The following SV2A variants were observed in gnomAD, a reference collection of about 807,000 sequenced individuals.
SV2A encodes the protein solute carrier family 22 member B1.
SV2A carries 25 observed loss-of-function variants against 78.0 expected under a neutral mutation model. That is an observed-to-expected ratio of 0.32 (90% confidence interval 0.23 to 0.45). The LOEUF (loss-of-function observed/expected upper bound fraction) is 0.45. SV2A is among the 20% of genes least tolerant of loss of function. SV2A has a pLI of 1.00. For missense variants in SV2A, 752 were observed against 971.5 expected (o/e 0.77, Z 3.00); for synonymous variants, 355 against 384.7 (o/e 0.92, Z 0.90).
At position 149,909,793 on chromosome 1, in the gene SV2A, T is replaced by C; in HGVS notation, c.1179+8A>G. On this transcript the variant is annotated splice_region_variant and intron_variant, in intron 6 of 12. Coordinates refer to ENST00000369146, the MANE Select transcript of SV2A (RefSeq NM_014849.5). ...GTGGAGGTCTGAGTCGGGAGGGCTG[T>C]GGCTTACTGAGAACACTCGCTCAGG... The C allele has an allele frequency of 1.2e-6, 2 of 1,613,430 alleles. No homozygotes were observed. Among genetic ancestry groups the C allele is most frequent in the Non-Finnish European group, 1.7e-6 (2 of 1,179,964 alleles).
At chr1:149,916,954 G>C (rs959811700) in intron 1 of SV2A, among the ~76,000 whole-genome samples, 3 of 152,024 alleles carry the variant, frequency 2.0e-5, no homozygotes, top group Non-Finnish European at 4.4e-5. Flanking sequence ...GGGGGACGCA[G>C]GGAGAGACCT....
intron 8 of SV2A, 41 bp downstream of exon 8, chr1:149,909,151 C>T (rs1335214131): frequency 6.3e-7 from 1 of 1,595,562 alleles, no homozygotes; most frequent in African/African-American, 1.3e-5. Flanking sequence ...CCACACACCA[C>T]CACAACCACC....
Position 149,909,541 on chromosome 1 carries a change from C to T in SV2A, c.1210G>A (p.Asp404Asn), listed in dbSNP as rs1553763384. The change falls in exon 7 of 13, where the codon GAT becomes AAT. Residue 404 changes from aspartate to asparagine, a missense_variant. Around this residue, in one of 7 missense-constraint regions of SV2A, gnomAD observed 136 missense variants for 132.3 expected, o/e 1.03. Coordinates refer to ENST00000369146, the MANE Select transcript of SV2A (RefSeq NM_014849.5). ...VTHIKTIHQE[D>N]ELIEIQSDTG... is the part of the protein sequence containing the mutation. ...TCCGACTGGATCTCAATCAATTCAT[C>T]CTCCTGATGAATCGTCTTAATGTGG... 1.9e-6 allele frequency: 3 copies of T among 1,614,124 alleles called. No homozygotes were observed. Among genetic ancestry groups the T allele is most frequent in the Non-Finnish European group, 8.5e-7 (1 of 1,180,012 alleles).
In SV2A at chr1:149,905,882, C is replaced by A; in HGVS notation, c.2043G>T (p.Lys681Asn). The A allele has an allele frequency of 6.2e-7, 1 of 1,614,086 alleles. No individual in the cohort carries two copies. Among genetic ancestry groups the A allele is most frequent in the Non-Finnish European group, 8.5e-7 (1 of 1,179,972 alleles). Residue 681 changes from lysine to asparagine, a missense_variant and splice_region_variant, in exon 12 of 13, where the codon AAG becomes AAT. Coordinates refer to ENST00000369146, the MANE Select transcript of SV2A (RefSeq NM_014849.5). ...VLTVELYPSD[K>N]RTTAFGFLNA... ...TGCCTCCAACACATTCCAACTACCT[C>A]TTGTCTGAGGGGTAGAGTTCAACAG... is the stretch of plus-strand genomic sequence containing the variant.
chr1:149,909,807 C>T lies in SV2A; in HGVS notation c.1173G>A (p.Val391=). 2 of 1,613,770 alleles carry T rather than the reference C, an allele frequency of 1.2e-6. No homozygotes were observed. The highest frequency in any genetic ancestry group is 1.7e-6 in the Non-Finnish European group (2 of 1,179,998). The change falls in exon 6 of 13, where the codon GTG becomes GTA. Residue 391 remains valine, a synonymous_variant. Coordinates refer to ENST00000369146, the MANE Select transcript of SV2A (RefSeq NM_014849.5). ...CGGGAGGGCTGTGGCTTACTGAGAACACTCGCTCAGGATGTCCTTTGGCTC... is the reference window on the plus strand; with the variant it reads ...CGGGAGGGCTGTGGCTTACTGAGAATACTCGCTCAGGATGTCCTTTGGCTC... ...NMRAKGHPER[V]FSVTHIKTIH... is the part of the protein sequence containing the mutation.
At chr1:149,907,226 C>A (rs1423927816) in intron 10 of SV2A, among the ~76,000 whole-genome samples, 3 of 152,128 alleles carry the variant, frequency 2.0e-5, no homozygotes, top group Non-Finnish European at 4.4e-5. Flanking sequence ...TGTTTTCCTG[C>A]AACATGGAAA....
At position 149,905,914 on chromosome 1, in the gene SV2A, C is replaced by T. The variant is rs782251569; in HGVS notation, c.2011G>A (p.Val671Met). 1.5e-5 allele frequency: 25 copies of T among 1,614,068 alleles called. No homozygotes were observed. The highest frequency in any genetic ancestry group is 2.2e-5 in the South Asian group (2 of 91,086). ...VSIASWNALD[V>M]LTVELYPSDK... ...GAGGGGTAGAGTTCAACAGTCAACACGTCCAGCGCATTCCAGGATGCAATG... is the reference window on the plus strand; with the variant it reads ...GAGGGGTAGAGTTCAACAGTCAACATGTCCAGCGCATTCCAGGATGCAATG... Residue 671 changes from valine (V) to methionine (M), a missense_variant, in exon 12 of 13, where the codon GTG becomes ATG. Val to Met is a conservative substitution (Grantham distance 21). This residue lies in a region of SV2A where 186 missense variants were observed against 274.6 expected (regional missense o/e 0.68). Coordinates refer to ENST00000369146, the MANE Select transcript of SV2A (RefSeq NM_014849.5).
Position 149,909,480 on chromosome 1 carries a change from G to A in SV2A, c.1271C>T (p.Ala424Val). The change falls in exon 7 of 13, where the codon GCC becomes GTC. Residue 424 changes from alanine (A) to valine (V), a missense_variant. By Grantham distance (64) the Ala-to-Val change is moderately conservative. Transcript: ENST00000369146. ...CATTACCTGCCCCCCTAGGCTCAAG[G>A]CCCGGACCCCCCAGCGCTGGTACCA... The part of the protein sequence containing the change: ...GTWYQRWGVR[A>V]LSLGGQVWGN... The A allele has an allele frequency of 6.2e-7, 1 of 1,613,414 alleles. No individual in the cohort carries two copies. Among genetic ancestry groups the A allele is most frequent in the East Asian group, 2.2e-5 (1 of 44,866 alleles).
intron 10 of SV2A, 118 bp from the exon 11 acceptor site, chr1:149,906,974 A>G: frequency 6.6e-7 from 1 of 1,513,510 alleles, no homozygotes; most frequent in Non-Finnish European, 8.9e-7. Context: ...TCTCAAAATT[A>G]TTCACAGTGC....
rs181274284 is a variant in SV2A at position 149,912,117 on chromosome 1, G to A, written c.623-137C>T. The stretch of plus-strand genomic sequence containing the variant: ...TCTACCCAGAGATTAGAGCAAGTGA[G>A]AGAAAATGAATGGTGTAAGCAAAGA... On this transcript the variant is annotated intron_variant, in intron 2 of 12. Coordinates refer to ENST00000369146, the MANE Select transcript of SV2A (RefSeq NM_014849.5). The A allele has an allele frequency of 3.6e-5, 30 of 844,660 alleles. No homozygotes were observed. The African/African-American group carries it at 5.2e-4, about 15-fold the overall frequency. 52.3% of individuals were successfully genotyped at this position (844,660 alleles called of 1,614,324 possible).
At chr1:149,913,111 T>C (rs1395093713) in intron 2 of SV2A, 108 bp downstream of exon 2, 1 of 1,402,472 alleles carries the variant, frequency 7.1e-7, no homozygotes, top group African/African-American at 1.4e-5. Flanking sequence ...TGGGAACATC[T>C]TGGGTGCAGG....
Position 149,910,529 on chromosome 1 carries a change from G to A in SV2A, c.1089+41C>T. 1 of 1,555,032 alleles carries A rather than the reference G, an allele frequency of 6.4e-7. No individual in the cohort carries two copies. Among genetic ancestry groups the A allele is most frequent in the Non-Finnish European group, 8.7e-7 (1 of 1,152,716 alleles). ...CCCCTGCTGCCGTCCACACTCCACA[G>A]CCCGCACCCCACCCCACCCCATGCA... On this transcript the variant is annotated intron_variant, in intron 5 of 12. Transcript: ENST00000369146. The surrounding 1 kb of genome is among the most constrained non-coding windows in gnomAD (Gnocchi z 4.2).
chr1:149,916,698 C>T (rs2092516108), intron 1 of SV2A, among the ~76,000 whole-genome samples: 1 of 152,116 alleles, frequency 6.6e-6, no homozygotes, highest in Admixed American at 6.5e-5. Flanking sequence ...GTGACAAGGT[C>T]ATTAAAAAGC....
chr1:149,915,352 GT>G, intron 1 of SV2A, among the ~76,000 whole-genome samples: 1 of 152,228 alleles, frequency 6.6e-6, no homozygotes, highest in East Asian at 1.9e-4. Context: ...CCCTATCTAT[GT>G]TTCAACTAAT....
chr1:149,905,170 G>A lies in SV2A; in HGVS notation c.2073C>T (p.Ala691=), dbSNP rs1553762521. ...KRTTAFGFLN[A]LCKLAAVLGI... The stretch of plus-strand genomic sequence containing the variant: ...CCAGCACAGCTGCCAGCTTACACAG[G>A]GCATTCAGGAAGCCAAAAGCTGTGG... Residue 691 remains alanine (A), a synonymous_variant, in exon 13 of 13, where the codon GCC becomes GCT. Transcript: ENST00000369146. The A allele has an allele frequency of 1.9e-6, 3 of 1,610,710 alleles. No homozygotes were observed. Among genetic ancestry groups the A allele is most frequent in the Non-Finnish European group, 1.7e-6 (2 of 1,178,602 alleles).
At chr1:149,905,288 T>C (rs964017208) in intron 12 of SV2A, 91 bp from the exon 13 acceptor site, 2 of 1,191,540 alleles carry the variant, frequency 1.7e-6, no homozygotes, top group Non-Finnish European at 2.4e-6. Flanking sequence ...TCCAGGAAGA[T>C]GCAGGCAGTG....
intron 12 of SV2A, 71 bp from the exon 13 acceptor site, chr1:149,905,268 G>A: frequency 7.0e-7 from 1 of 1,428,306 alleles, no homozygotes; most frequent in Non-Finnish European, 9.6e-7. Context: ...TGGAGGGCAG[G>A]GAAGTGAAGT....
chr1:149,908,632 C>A (rs782595065), intron 8 of SV2A, among the ~76,000 whole-genome samples: 14 of 150,264 alleles, frequency 9.3e-5, no homozygotes, highest in African/African-American at 1.2e-4. Context: ...TAGCAAGTTT[C>A]GTCTCACTTC....
Position 149,910,800 on chromosome 1 carries a change from G to A in SV2A, c.955+26C>T, listed in dbSNP as rs200109859. On this transcript the variant is annotated intron_variant, in intron 4 of 12. Coordinates refer to ENST00000369146, the MANE Select transcript of SV2A (RefSeq NM_014849.5). This position sits in a 1 kb window ranked among gnomAD's most constrained non-coding sequence, Gnocchi z 4.2. ...AGAAGAGGGAGGAGGGAGATAACCT[G>A]GGGTGGATTTCCGGGGGCTGCTCAC... is the stretch of plus-strand genomic sequence containing the variant. 2.5e-5 allele frequency: 40 copies of A among 1,612,482 alleles called. No homozygotes were observed. Among genetic ancestry groups the A allele is most frequent in the Admixed American group, 3.3e-5 (2 of 59,982 alleles).
Sources: allele counts gnomAD v4.1 joint callset (sites outside exome capture counted in the v4.1 genomes callset), GRCh38; gene constraint gnomAD v4.1.1; regional missense constraint gnomAD v4.1.1; non-coding constraint Gnocchi (gnomAD v3.1); transcripts MANE v1.5; gene names NCBI Gene and HGNC (gene_info 2026-07-23, HGNC 2026-07-21).